The following NCKAP5 variants were observed in gnomAD, a reference collection of about 807,000 sequenced individuals.
NCKAP5 encodes the protein NCK associated protein 5, also known as nck-associated protein 5.
In NCKAP5, 92 loss-of-function variants were observed where a neutral mutation model predicts 167.0. The ratio of observed to expected loss-of-function variants is 0.55; its 90% CI spans 0.47 to 0.66. The LOEUF is 0.66. Ranked by LOEUF, NCKAP5 falls within the 30% of genes least tolerant of loss-of-function variation. NCKAP5 has a pLI of 0.00. For missense variants in NCKAP5, 2,378 were observed against 2,315.0 expected (o/e 1.03, Z -0.56); for synonymous variants, 891 against 877.4 (o/e 1.02, Z -0.27).
intron 3 of NCKAP5, among the ~76,000 whole-genome samples, chr2:133,449,361 C>A (rs1439907293): frequency 7.2e-5 from 11 of 152,102 alleles, no homozygotes; most frequent in Admixed American, 7.2e-4. Flanking sequence ...GTACCTTGGG[C>A]AAAAGCAACT....
intron 3 of NCKAP5, among the ~76,000 whole-genome samples, chr2:133,351,485 T>C (rs1220379077): frequency 6.6e-6 from 1 of 152,182 alleles, no homozygotes; most frequent in Non-Finnish European, 1.5e-5. Flanking sequence ...TTATGAGGGT[T>C]GAATGAGAAA....
intron 8 of NCKAP5, among the ~76,000 whole-genome samples, chr2:132,934,473 T>C (rs1170924487): frequency 6.6e-6 from 1 of 151,950 alleles, no homozygotes; most frequent in African/African-American, 2.4e-5. Flanking sequence ...CTGGGGAGGC[T>C]GAGGCACGAG....
At chr2:132,960,643 G>C (rs2076484283) in intron 8 of NCKAP5, among the ~76,000 whole-genome samples, 1 of 152,190 alleles carries the variant, frequency 6.6e-6, no homozygotes, top group Non-Finnish European at 1.5e-5. Context: ...ATGGTCACAA[G>C]AGGGAATAAA....
intron 3 of NCKAP5, among the ~76,000 whole-genome samples, chr2:133,334,508 C>T (rs897223075): frequency 6.6e-6 from 1 of 152,174 alleles, no homozygotes; most frequent in African/African-American, 2.4e-5. Context: ...TGTTGTCTGA[C>T]ATTTCATAGG....
At chr2:132,729,222 TA>T (rs923543980) in intron 17 of NCKAP5, among the ~76,000 whole-genome samples, 2 of 152,308 alleles carry the variant, frequency 1.3e-5, no homozygotes, top group Admixed American at 1.3e-4. Context: ...GACTACAGGT[TA>T]GGAAGGGTTC....
At chr2:132,848,293 C>T (rs1005061885) in intron 11 of NCKAP5, among the ~76,000 whole-genome samples, 2 of 152,180 alleles carry the variant, frequency 1.3e-5, no homozygotes, top group Non-Finnish European at 2.9e-5. Context: ...AATGAGAAGA[C>T]AGTTTTCCAT....
At chr2:133,242,060 G>A (rs1016177388) in intron 4 of NCKAP5, among the ~76,000 whole-genome samples, 1 of 144,244 alleles carries the variant, frequency 6.9e-6, no homozygotes, top group Non-Finnish European at 1.5e-5. Context: ...AGAGGTTTGC[G>A]TTGAGCCGAG....
chr2:133,060,556 G>A (rs760741500), intron 6 of NCKAP5, among the ~76,000 whole-genome samples: 7 of 152,204 alleles, frequency 4.6e-5, no homozygotes, highest in East Asian at 1.9e-4. Flanking sequence ...TTTTCTAGCC[G>A]TCCCTGAAAT....
At chr2:133,472,325 T>C (rs991821843) in intron 3 of NCKAP5, among the ~76,000 whole-genome samples, 47 of 152,180 alleles carry the variant, frequency 3.1e-4, no homozygotes, top group African/African-American at 1.1e-3. Context: ...TTATAAATTA[T>C]CTTGTATCTA....
chr2:132,738,887 C>T (rs1358863657), intron 16 of NCKAP5, among the ~76,000 whole-genome samples: 1 of 152,104 alleles, frequency 6.6e-6, no homozygotes, highest in East Asian at 1.9e-4. Context: ...TCAAGGAGGG[C>T]ACCAAGCCAT....
At chr2:132,929,614 G>A (rs987182749) in intron 8 of NCKAP5, among the ~76,000 whole-genome samples, 1 of 152,162 alleles carries the variant, frequency 6.6e-6, no homozygotes, top group Non-Finnish European at 1.5e-5. Flanking sequence ...TCATCTAGGT[G>A]AGAACAGTTC....
intron 7 of NCKAP5, among the ~76,000 whole-genome samples, chr2:132,969,517 G>C (rs2076769085): frequency 6.6e-6 from 1 of 152,200 alleles, no homozygotes; most frequent in Non-Finnish European, 1.5e-5. Context: ...TCTGACCCCA[G>C]GGTGAGAGAG....
At chr2:132,714,796 G>C in intron 19 of NCKAP5, 1 of 433,582 alleles carries the variant, frequency 2.3e-6, no homozygotes, top group South Asian at 1.6e-5. Context: ...CTGGGTGACA[G>C]AGTGAGAATC....
At chr2:132,953,383 A>C (rs1056329290) in intron 8 of NCKAP5, among the ~76,000 whole-genome samples, 1 of 152,214 alleles carries the variant, frequency 6.6e-6, no homozygotes, top group African/African-American at 2.4e-5. Flanking sequence ...AAACTAATTC[A>C]GTTAGATACT....
chr2:133,631,608 C>T, the NCKAP5 span, among the ~76,000 whole-genome samples: 1,085 of 152,256 alleles, frequency 7.1e-3, 14 homozygotes, highest in African/African-American at 0.025. Context: ...AATCTTCTCA[C>T]GTGACATTGG....
chr2:132,754,979 G>A (rs940136304), intron 16 of NCKAP5, among the ~76,000 whole-genome samples: 3 of 152,194 alleles, frequency 2.0e-5, no homozygotes, highest in African/African-American at 7.2e-5. Context: ...TAGCCCTAGG[G>A]TTCAGCACAA....
chr2:132,943,671 C>T (rs1697467301), intron 8 of NCKAP5, among the ~76,000 whole-genome samples: 1 of 152,160 alleles, frequency 6.6e-6, no homozygotes, highest in African/African-American at 2.4e-5. Flanking sequence ...CTGCAGCAGA[C>T]TCAGAGCAGG....
chr2:133,581,759 T>C, the NCKAP5 span, among the ~76,000 whole-genome samples: 1 of 152,180 alleles, frequency 6.6e-6, no homozygotes, highest in Non-Finnish European at 1.5e-5. Flanking sequence ...CCTGGAAATA[T>C]AAGAACCTCC....
intron 19 of NCKAP5, among the ~76,000 whole-genome samples, chr2:132,693,871 G>T (rs1687051999): frequency 6.6e-6 from 1 of 151,780 alleles, no homozygotes; most frequent in African/African-American, 2.4e-5. Flanking sequence ...TGATCCACAT[G>T]TCTCTACCTC....
Sources: allele counts gnomAD v4.1 joint callset (sites outside exome capture counted in the v4.1 genomes callset), GRCh38; gene constraint gnomAD v4.1.1; transcripts MANE v1.5; gene names NCBI Gene and HGNC (gene_info 2026-07-23, HGNC 2026-07-21).